The following STRBP variants were observed in gnomAD, a reference collection of about 807,000 sequenced individuals.
STRBP encodes the protein spermatid perinuclear RNA-binding protein.
A neutral mutation model predicts 80.1 loss-of-function variants in STRBP; 13 were observed. The ratio of observed to expected loss-of-function variants is 0.16; its 90% CI spans 0.11 to 0.26. The LOEUF (loss-of-function observed/expected upper bound fraction) is 0.26, where lower values mean the gene tolerates loss of function less well. STRBP is among the 10% of genes least tolerant of loss of function. The pLI is 1.00. For synonymous variants in STRBP, 284 were observed against 291.2 expected, an observed-to-expected ratio of 0.98 and a Z score of 0.25; for missense variants, 485 against 815.2, an observed-to-expected ratio of 0.59 and a Z score of 4.93.
intron 2 of STRBP, among the ~76,000 whole-genome samples, chr9:123,186,748 C>T (rs1434719492): frequency 1.3e-5 from 2 of 149,642 alleles, no homozygotes; most frequent in Non-Finnish European, 3.0e-5. Flanking sequence ...GAGAAAAAAG[C>T]CAAATTTATA....
intron 2 of STRBP, among the ~76,000 whole-genome samples, chr9:123,226,927 G>A (rs1037621697): frequency 6.6e-6 from 1 of 152,208 alleles, no homozygotes; most frequent in Non-Finnish European, 1.5e-5. Flanking sequence ...GCCACATCTG[G>A]TGAGAGCTTT....
At chr9:123,209,573 G>A (rs771419989) in intron 2 of STRBP, among the ~76,000 whole-genome samples, 2 of 152,068 alleles carry the variant, frequency 1.3e-5, no homozygotes, top group African/African-American at 2.4e-5. Context: ...CTTTCCCAAC[G>A]CAGAAACAAC....
At chr9:123,141,125 A>C (rs1463199249) in intron 13 of STRBP, among the ~76,000 whole-genome samples, 1 of 152,218 alleles carries the variant, frequency 6.6e-6, no homozygotes, top group Non-Finnish European at 1.5e-5. Context: ...GTGCTCCAAA[A>C]AATGGTTATG....
rs3824532 is a variant in STRBP, at chr9:123,137,846, C to T, written c.1498-1331G>A. On this transcript the variant is annotated intron_variant, in intron 14 of 18. Transcript: ENST00000348403. ...CAATTTTTAAGGACAAGTTTAAAAA[C>T]ATCAGTAACATCAATAAACATCTCT... Among the ~76,000 whole-genome samples the T allele has an allele frequency of 4.6e-5, 7 of 152,294 alleles. No homozygotes were observed. In the South Asian group the frequency reaches 8.3e-4, roughly 18 times the overall value.
At chr9:123,196,373 G>GTA (rs2039090755) in intron 2 of STRBP, among the ~76,000 whole-genome samples, 1 of 152,088 alleles carries the variant, frequency 6.6e-6, no homozygotes, top group Non-Finnish European at 1.5e-5. Context: ...TGGACAAATG[G>GTA]TATCACATCA....
downstream of STRBP, among the ~76,000 whole-genome samples, chr9:123,118,733 G>A (rs183669551): frequency 2.8e-4 from 43 of 152,266 alleles, 1 homozygote; most frequent in Middle Eastern, 3.4e-3. Flanking sequence ...CCTTGTCTAC[G>A]TAACGCAGTT....
chr9:123,202,849 G>A (rs2039376530), intron 2 of STRBP, among the ~76,000 whole-genome samples: 3 of 151,840 alleles, frequency 2.0e-5, no homozygotes, highest in African/African-American at 7.3e-5. Flanking sequence ...TTAAAAAACT[G>A]AAAATTAAAA....
chr9:123,151,874 A>G (rs2037071454), intron 11 of STRBP, among the ~76,000 whole-genome samples: 1 of 152,178 alleles, frequency 6.6e-6, no homozygotes, highest in African/African-American at 2.4e-5. Flanking sequence ...ACAGAAGACA[A>G]TGAATAAAGC....
chr9:123,199,833 T>A (rs1564291482), intron 2 of STRBP, among the ~76,000 whole-genome samples: 2 of 152,220 alleles, frequency 1.3e-5, no homozygotes, highest in Admixed American at 1.3e-4. Flanking sequence ...TTTGACTCTC[T>A]CCTTTCCAAT....
chr9:123,268,282 G>A (rs1243146116), intron 1 of STRBP, among the ~76,000 whole-genome samples, 154 bp downstream of exon 1: 2 of 150,004 alleles, frequency 1.3e-5, no homozygotes, highest in Non-Finnish European at 3.0e-5. Context: ...CCTGCTCTCC[G>A]CCTCGGCCGC....
chr9:123,166,782 CAACAACAACAA>C (rs2037782168), intron 6 of STRBP, among the ~76,000 whole-genome samples: 1 of 127,146 alleles, frequency 7.9e-6, no homozygotes, highest in African/African-American at 4.5e-5. Context: ...ACAACAACAA[CAACAACAACAA>C]AAAAACAAGC....
chr9:123,183,451 A>G (rs2038573791), intron 3 of STRBP, among the ~76,000 whole-genome samples: 1 of 151,992 alleles, frequency 6.6e-6, no homozygotes, highest in African/African-American at 2.4e-5. Flanking sequence ...AAAAAAAAAG[A>G]AACCTTTTCT....
intron 2 of STRBP, among the ~76,000 whole-genome samples, chr9:123,207,348 A>C (rs2039554267): frequency 6.6e-6 from 1 of 152,232 alleles, no homozygotes; most frequent in Admixed American, 6.5e-5. Flanking sequence ...ACAGTGATCC[A>C]CTTCATCATG....
chr9:123,172,145 C>G (rs1339565785), intron 5 of STRBP, among the ~76,000 whole-genome samples: 1 of 152,126 alleles, frequency 6.6e-6, no homozygotes, highest in African/African-American at 2.4e-5. Context: ...TTTTTCAATG[C>G]TGCAACATCT....
chr9:123,206,232 G>A (rs768160395), intron 2 of STRBP, among the ~76,000 whole-genome samples: 1 of 145,666 alleles, frequency 6.9e-6, no homozygotes, highest in Non-Finnish European at 1.5e-5. Context: ...TATGAGATCA[G>A]TTAAAACTAT....
intron 1 of STRBP, among the ~76,000 whole-genome samples, chr9:123,237,332 T>C (rs2040591072): frequency 6.6e-6 from 1 of 152,136 alleles, no homozygotes; most frequent in Non-Finnish European, 1.5e-5. Context: ...CTTTACATTC[T>C]GTAACTGAAA....
At chr9:123,147,164 G>A in intron 12 of STRBP, 110 bp from the exon 13 acceptor site, 2 of 770,328 alleles carry the variant, frequency 2.6e-6, no homozygotes, top group Non-Finnish European at 4.1e-6. Flanking sequence ...TTTTTTAAAT[G>A]AGGATTTCAA....
At chr9:123,245,466 T>A (rs1001846137) in intron 1 of STRBP, among the ~76,000 whole-genome samples, 19 of 152,350 alleles carry the variant, frequency 1.2e-4, no homozygotes, top group Middle Eastern at 3.4e-3. Flanking sequence ...CTCGGCTCAC[T>A]GCAAGCTCCG....
intron 2 of STRBP, among the ~76,000 whole-genome samples, chr9:123,216,198 G>A (rs1345771006): frequency 6.6e-6 from 1 of 151,640 alleles, no homozygotes; most frequent in Admixed American, 6.6e-5. Context: ...TGGACTGAAT[G>A]AAGAAGACCT....
Sources: gnomAD v4.1 joint callset for allele counts (sites outside exome capture counted in the v4.1 genomes callset) on GRCh38, gnomAD v4.1.1 for gene constraint, MANE v1.5 for transcripts, NCBI Gene and HGNC (gene_info 2026-07-23, HGNC 2026-07-21) for gene names.